KLHL29: variants seen among roughly 807,000 people sequenced by gnomAD.
KLHL29 encodes the protein kelch like family member 29.
KLHL29 carries 21 observed loss-of-function variants against 80.4 expected under a neutral mutation model. The observed-to-expected ratio is 0.26, with a 90% CI of 0.19 to 0.38. The LOEUF is 0.38. Among genes scored for constraint, KLHL29 ranks in the 10% least tolerant of loss-of-function variants. KLHL29 has a pLI of 1.00. For missense variants in KLHL29, 867 were observed against 1,223.9 expected, an observed-to-expected ratio of 0.71 and a Z score of 4.35; for synonymous variants, 511 against 526.8, an observed-to-expected ratio of 0.97 and a Z score of 0.41.
chr2:23,463,372 A>G (rs537586145), intron 1 of KLHL29, among the ~76,000 whole-genome samples: 11 of 152,294 alleles, frequency 7.2e-5, no homozygotes, highest in African/African-American at 2.6e-4. Context: ...TGTTAATTAG[A>G]GTCTTCTTAC....
chr2:23,701,617 G>A (rs1672371460), intron 11 of KLHL29, among the ~76,000 whole-genome samples: 2 of 152,026 alleles, frequency 1.3e-5, no homozygotes, highest in South Asian at 4.2e-4. Context: ...GGAGGCTGAG[G>A]TGGGAGAATT....
chr2:23,541,765 C>CA (rs149080311), intron 2 of KLHL29, among the ~76,000 whole-genome samples: 45 of 139,944 alleles, frequency 3.2e-4, no homozygotes, highest in African/African-American at 6.1e-4. Flanking sequence ...AAGCCCAACC[C>CA]AAAAAACAAA....
chr2:23,701,232 T>G (rs1182784507), intron 11 of KLHL29, among the ~76,000 whole-genome samples: 3 of 109,148 alleles, frequency 2.7e-5, no homozygotes, highest in Admixed American at 9.5e-5. Context: ...CTCCTTCTGT[T>G]CTCCTGTCCT....
chr2:23,472,370 C>T (rs1009164162), intron 1 of KLHL29, among the ~76,000 whole-genome samples: 6 of 152,030 alleles, frequency 3.9e-5, no homozygotes, highest in African/African-American at 7.2e-5. Context: ...GAGGATGTCA[C>T]GGGTTCTCTA....
At chr2:23,419,752 C>T (rs777619954) in intron 1 of KLHL29, among the ~76,000 whole-genome samples, 62 of 152,110 alleles carry the variant, frequency 4.1e-4, no homozygotes, top group Non-Finnish European at 5.4e-4. Context: ...TGAGGGCTCC[C>T]GTGGGCTGCG....
intron 2 of KLHL29, among the ~76,000 whole-genome samples, chr2:23,556,972 G>T (rs1667314568): frequency 6.6e-6 from 1 of 152,194 alleles, no homozygotes; most frequent in African/African-American, 2.4e-5. Flanking sequence ...TTTGTAAACG[G>T]TCCCCTCCAT....
Position 23,446,894 on chromosome 2 carries a change from C to T in KLHL29, c.-153-28666C>T, listed in dbSNP as rs1159106511. On this transcript the variant is annotated intron_variant, in intron 1 of 13. Coordinates refer to ENST00000486442, the MANE Select transcript of KLHL29 (RefSeq NM_052920.2). Reference sequence around the variant, plus strand: ...TTTCTGCTGCAGTGAAATATGGAAACGGTGCAGAGTCCTTGATTTCAGGCT... The same window carrying T: ...TTTCTGCTGCAGTGAAATATGGAAATGGTGCAGAGTCCTTGATTTCAGGCT... 3.3e-5 allele frequency among the ~76,000 whole-genome samples: 5 copies of T among 152,244 alleles called. No individual in the cohort carries two copies. The East Asian group carries it at 9.6e-4, about 29-fold the overall frequency.
At chr2:23,456,350 C>T (rs1304991544) in intron 1 of KLHL29, among the ~76,000 whole-genome samples, 1 of 152,214 alleles carries the variant, frequency 6.6e-6, no homozygotes, top group East Asian at 1.9e-4. Flanking sequence ...TCCACAGAAC[C>T]CCCAGCATGC....
intron 6 of KLHL29, among the ~76,000 whole-genome samples, chr2:23,687,257 C>T (rs1183803571): frequency 6.6e-6 from 1 of 152,164 alleles, no homozygotes; most frequent in Admixed American, 6.5e-5. Flanking sequence ...CCTGGGTGAG[C>T]CCTGCCAGGG....
chr2:23,458,319 T>G (rs1290206740), intron 1 of KLHL29, among the ~76,000 whole-genome samples: 1 of 152,234 alleles, frequency 6.6e-6, no homozygotes, highest in Non-Finnish European at 1.5e-5. Context: ...AAGTAAGTAT[T>G]TTAGGCTTTG....
chr2:23,509,092 A>G (rs905742731), intron 2 of KLHL29, among the ~76,000 whole-genome samples: 8 of 152,256 alleles, frequency 5.3e-5, no homozygotes, highest in African/African-American at 7.2e-5. Context: ...TAAAACGTCC[A>G]TCAGCTCCTT....
intron 1 of KLHL29, among the ~76,000 whole-genome samples, chr2:23,394,338 G>A (rs2103384381): frequency 6.6e-6 from 1 of 152,292 alleles, no homozygotes; most frequent in Non-Finnish European, 1.5e-5. Context: ...AATGAGGGTA[G>A]ATTGAATAAC....
chr2:23,425,577 G>A (rs1371299482), intron 1 of KLHL29, among the ~76,000 whole-genome samples: 2 of 152,170 alleles, frequency 1.3e-5, no homozygotes, highest in African/African-American at 4.8e-5. Flanking sequence ...CCCTGCCTGC[G>A]TCCTACCCTG....
At chr2:23,429,415 T>C (rs925849333) in intron 1 of KLHL29, among the ~76,000 whole-genome samples, 7 of 152,222 alleles carry the variant, frequency 4.6e-5, no homozygotes, top group Non-Finnish European at 8.8e-5. Context: ...ATTCTACAGA[T>C]GTTTCTTTTG....
chr2:23,623,322 C>T (rs113394793), intron 3 of KLHL29, among the ~76,000 whole-genome samples: 176 of 152,284 alleles, frequency 1.2e-3, no homozygotes, highest in African/African-American at 4.2e-3. Context: ...GAGCCATGCA[C>T]CCAGGTTTAC....
At chr2:23,606,080 T>A (rs1261238142) in intron 3 of KLHL29, among the ~76,000 whole-genome samples, 1 of 152,000 alleles carries the variant, frequency 6.6e-6, no homozygotes, top group Non-Finnish European at 1.5e-5. Flanking sequence ...AGGGAAAACC[T>A]GTCTTAAAGG....
chr2:23,512,600 A>G (rs1465519826), intron 2 of KLHL29, among the ~76,000 whole-genome samples: 2 of 152,254 alleles, frequency 1.3e-5, no homozygotes, highest in African/African-American at 4.8e-5. Flanking sequence ...CAAATGAGTG[A>G]TGTTCTGCGA....
At chr2:23,494,149 C>T (rs2103450085) in intron 2 of KLHL29, among the ~76,000 whole-genome samples, 1 of 152,294 alleles carries the variant, frequency 6.6e-6, no homozygotes, top group South Asian at 2.1e-4. Flanking sequence ...CAAACTATTA[C>T]TCTAGCTATT....
intron 3 of KLHL29, among the ~76,000 whole-genome samples, chr2:23,578,425 A>C (rs888768120): frequency 2.6e-5 from 4 of 152,210 alleles, no homozygotes; most frequent in African/African-American, 9.7e-5. Flanking sequence ...TGAGAGAATA[A>C]TACTATCCAT....
Sources: gnomAD v4.1 joint callset for allele counts (sites outside exome capture counted in the v4.1 genomes callset) on GRCh38, gnomAD v4.1.1 for gene constraint, MANE v1.5 for transcripts, NCBI Gene and HGNC (gene_info 2026-07-23, HGNC 2026-07-21) for gene names.